The following BORCS5 variants were observed in gnomAD, a reference collection of about 807,000 sequenced individuals.
BORCS5 encodes BLOC-1 related complex subunit 5, also known as BLOC-1-related complex subunit 5.
BORCS5 carries 17 observed loss-of-function variants against 22.1 expected under a neutral mutation model. The ratio of observed to expected loss-of-function variants is 0.77; its 90% CI spans 0.53 to 1.15. The LOEUF is 1.15. BORCS5 is among the 50% of genes most tolerant of loss of function. The pLI, the probability that BORCS5 is intolerant of heterozygous loss-of-function variation, is 0.00. For synonymous variants in BORCS5, 117 were observed against 99.8 expected (o/e 1.17, Z -1.03); for missense variants, 247 against 253.2 (o/e 0.98, Z 0.17).
intron 2 of BORCS5, among the ~76,000 whole-genome samples, chr12:12,391,487 A>G (rs540393920): frequency 6.6e-6 from 1 of 151,524 alleles, no homozygotes; most frequent in East Asian, 2.0e-4. Context: ...CTGAGTTCAA[A>G]CCATTCTCCT....
intron 2 of BORCS5, among the ~76,000 whole-genome samples, chr12:12,404,422 C>A (rs1213030000): frequency 6.6e-6 from 1 of 152,204 alleles, no homozygotes; most frequent in African/African-American, 2.4e-5. Context: ...CTGCCCTCAA[C>A]TGGCAGAAGG....
At position 12,379,036 on chromosome 12, in the gene BORCS5, A is replaced by G. The variant is rs1015512757; in HGVS notation, c.202+17687A>G. ...TCACAAAGTGCTTGGGATAATAGGCATGAGCCATTGCACCCATCTGGAATC... is the reference window on the plus strand; with the variant it reads ...TCACAAAGTGCTTGGGATAATAGGCGTGAGCCATTGCACCCATCTGGAATC... On this transcript the variant is annotated intron_variant, in intron 2 of 3. Coordinates refer to ENST00000314565, the MANE Select transcript of BORCS5 (RefSeq NM_058169.6). 2.2e-4 allele frequency among the ~76,000 whole-genome samples: 34 copies of G among 151,136 alleles called. 2 individuals are homozygous for G. Among genetic ancestry groups the G allele is most frequent in the Admixed American group, 2.2e-3 (33 of 15,168 alleles).
intron 2 of BORCS5, among the ~76,000 whole-genome samples, chr12:12,415,964 T>C (rs1226997518): frequency 6.6e-6 from 1 of 152,206 alleles, no homozygotes; most frequent in Non-Finnish European, 1.5e-5. Flanking sequence ...AGGGCTTTTC[T>C]TTATCAGGAG....
intron 2 of BORCS5, among the ~76,000 whole-genome samples, chr12:12,416,066 T>G (rs1941943202): frequency 6.6e-6 from 1 of 152,188 alleles, no homozygotes; most frequent in African/African-American, 2.4e-5. Context: ...AGTTCTGTGT[T>G]TCTAGGAATT....
At chr12:12,458,864 C>T (rs900197877) in intron 3 of BORCS5, among the ~76,000 whole-genome samples, 2 of 146,072 alleles carry the variant, frequency 1.4e-5, no homozygotes, top group Non-Finnish European at 3.0e-5. Context: ...CCCAGCTACT[C>T]GGGAGGCTGA....
intron 2 of BORCS5, among the ~76,000 whole-genome samples, chr12:12,377,897 C>T (rs559331063): frequency 2.1e-3 from 319 of 151,920 alleles, no homozygotes; most frequent in African/African-American, 7.4e-3. Context: ...ACTCAAGGGC[C>T]CTGAATTTAA....
At chr12:12,416,172 A>G (rs1230483665) in intron 2 of BORCS5, among the ~76,000 whole-genome samples, 1 of 152,096 alleles carries the variant, frequency 6.6e-6, no homozygotes, top group Non-Finnish European at 1.5e-5. Context: ...GTATTAATGT[A>G]CACACTTTCT....
chr12:12,456,800 A>G (rs1398398622), intron 3 of BORCS5, among the ~76,000 whole-genome samples: 1 of 139,740 alleles, frequency 7.2e-6, no homozygotes, highest in East Asian at 1.9e-4. Context: ...GGGATGAGTA[A>G]TGTGACTCTG....
intron 3 of BORCS5, among the ~76,000 whole-genome samples, chr12:12,439,696 G>A (rs1177205391): frequency 1.3e-5 from 2 of 152,194 alleles, no homozygotes; most frequent in African/African-American, 4.8e-5. Context: ...TAATTACCCA[G>A]GATTATTGCA....
At chr12:12,414,577 C>A (rs1941865590) in intron 2 of BORCS5, among the ~76,000 whole-genome samples, 1 of 89,614 alleles carries the variant, frequency 1.1e-5, no homozygotes, top group African/African-American at 6.1e-5. Context: ...CCCCACCTCC[C>A]TCCTGGACGG....
At chr12:12,412,561 G>A (rs1336207113) in intron 2 of BORCS5, among the ~76,000 whole-genome samples, 1 of 152,060 alleles carries the variant, frequency 6.6e-6, no homozygotes, top group African/African-American at 2.4e-5. Context: ...CATATCATCC[G>A]TGAACAGACA....
At chr12:12,463,366 A>G (rs892602958) in intron 3 of BORCS5, among the ~76,000 whole-genome samples, 1 of 152,198 alleles carries the variant, frequency 6.6e-6, no homozygotes, top group Non-Finnish European at 1.5e-5. Context: ...TGGGGGAAAC[A>G]TTTAAAAGGT....
intron 2 of BORCS5, among the ~76,000 whole-genome samples, chr12:12,387,007 G>A (rs1394179321): frequency 1.3e-5 from 2 of 151,106 alleles, no homozygotes; most frequent in Non-Finnish European, 3.0e-5. Context: ...AAGACTACAG[G>A]CATGTACCAC....
At chr12:12,381,011 A>ATTTTTTT (rs530930947) in intron 2 of BORCS5, among the ~76,000 whole-genome samples, 1 of 122,206 alleles carries the variant, frequency 8.2e-6, no homozygotes, top group African/African-American at 3.0e-5. Flanking sequence ...TTTTTGGGGG[A>ATTTTTTT]TTTTTTTTTT....
chr12:12,408,907 A>C (rs1941651820), intron 2 of BORCS5, among the ~76,000 whole-genome samples: 1 of 152,222 alleles, frequency 6.6e-6, no homozygotes, highest in Admixed American at 6.5e-5. Context: ...ATGAGTGTAC[A>C]AATGTCTCTT....
intron 2 of BORCS5, among the ~76,000 whole-genome samples, chr12:12,434,463 G>A (rs1424990222): frequency 2.0e-5 from 3 of 152,116 alleles, no homozygotes; most frequent in Non-Finnish European, 4.4e-5. Flanking sequence ...TCAAAACTAT[G>A]TTTGTAATAA....
chr12:12,386,576 A>T (rs1420009993), intron 2 of BORCS5, among the ~76,000 whole-genome samples: 1 of 150,278 alleles, frequency 6.7e-6, no homozygotes, highest in Non-Finnish European at 1.5e-5. Flanking sequence ...TCCTGGGTTC[A>T]AGCAATTCTC....
At chr12:12,400,448 C>T (rs1193796825) in intron 2 of BORCS5, among the ~76,000 whole-genome samples, 1 of 152,066 alleles carries the variant, frequency 6.6e-6, no homozygotes, top group African/African-American at 2.4e-5. Context: ...GAAGTGGAGC[C>T]ATAGATTCCA....
At position 12,357,080 on chromosome 12, in the gene BORCS5, C is replaced by G. The variant is rs775379045; in HGVS notation, c.-372C>G. 10 of 1,533,466 alleles carry G rather than the reference C, an allele frequency of 6.5e-6. No homozygotes were observed. In the African/African-American group the frequency reaches 1.4e-4, roughly 21 times the overall value. 95.0% of individuals were successfully genotyped at this position (1,533,466 alleles called of 1,614,324 possible). ...GTCTTGCGTAGCCGGCACCGCCCAT[C>G]TGCGTCCCGGAAGGAGCGAGCTTGC... On this transcript the variant is annotated 5_prime_UTR_variant, in exon 1 of 4. In the 5' UTR this introduces an upstream ATG that the reference lacks. Transcript: ENST00000314565.
Sources: allele counts gnomAD v4.1 joint callset (sites outside exome capture counted in the v4.1 genomes callset), GRCh38; gene constraint gnomAD v4.1.1; transcripts MANE v1.5; gene names NCBI Gene and HGNC (gene_info 2026-07-23, HGNC 2026-07-21).